The following LNX1 variants were observed in gnomAD, a reference collection of about 807,000 sequenced individuals.
LNX1 encodes ligand of numb-protein X 1, also known as E3 ubiquitin-protein ligase LNX.
In LNX1, 54 loss-of-function variants were observed where a neutral mutation model predicts 68.4. The ratio of observed to expected loss-of-function variants is 0.79; its 90% confidence interval spans 0.63 to 0.99. The LOEUF (loss-of-function observed/expected upper bound fraction) is 0.99, where lower values mean the gene tolerates loss of function less well. Among genes scored for constraint, LNX1 ranks in the 50% least tolerant of loss-of-function variants. The probability of loss-of-function intolerance (pLI) is 0.00; values close to 1 mark genes in which losing one functional copy is unlikely to be tolerated. For missense variants in LNX1, 906 were observed against 926.4 expected (o/e 0.98, Z 0.29); for synonymous variants, 336 against 350.0 (o/e 0.96, Z 0.45).
intron 2 of LNX1, among the ~76,000 whole-genome samples, chr4:53,548,002 C>T (rs1461618744): frequency 6.6e-6 from 1 of 151,898 alleles, no homozygotes; most frequent in African/African-American, 2.4e-5. Context: ...GTTTCATAAA[C>T]CTGGATCCTC....
At chr4:53,587,725 A>T (rs901559445) in intron 1 of LNX1, among the ~76,000 whole-genome samples, 1 of 152,196 alleles carries the variant, frequency 6.6e-6, no homozygotes, top group African/African-American at 2.4e-5. Flanking sequence ...AGGAATTCAA[A>T]TATAGAAAGG....
chr4:53,636,415 G>T (rs964973493), intron 1 of LNX1, among the ~76,000 whole-genome samples: 1 of 152,004 alleles, frequency 6.6e-6, no homozygotes, highest in Non-Finnish European at 1.5e-5. Flanking sequence ...GAGGAACTGT[G>T]AGGCATCTTT....
intron 1 of LNX1, among the ~76,000 whole-genome samples, chr4:53,587,617 G>A (rs1732256120): frequency 6.6e-6 from 1 of 152,136 alleles, no homozygotes; most frequent in East Asian, 1.9e-4. Flanking sequence ...CTTACAGACG[G>A]CATTTCGAGT....
chr4:53,511,108 G>C (rs960417876), intron 2 of LNX1, among the ~76,000 whole-genome samples: 5 of 152,114 alleles, frequency 3.3e-5, no homozygotes, highest in African/African-American at 9.7e-5. Context: ...GCTGGGGAGG[G>C]TGCAGATTCT....
chr4:53,505,900 A>G (rs1485334032), intron 4 of LNX1, among the ~76,000 whole-genome samples: 1 of 152,214 alleles, frequency 6.6e-6, no homozygotes. Flanking sequence ...CGCAGGCTGG[A>G]TAATGGAAGG....
chr4:53,650,254 G>A (rs2109897211), intron 1 of LNX1, among the ~76,000 whole-genome samples: 1 of 152,296 alleles, frequency 6.6e-6, no homozygotes, highest in East Asian at 1.9e-4. Context: ...ATAGGGCTGA[G>A]CAAAGTAGGC....
At chr4:53,622,216 T>A (rs1394384778), upstream of LNX1, among the ~76,000 whole-genome samples, 1 of 152,178 alleles carries the variant, frequency 6.6e-6, no homozygotes, top group Admixed American at 6.6e-5. Context: ...TGTACGTATG[T>A]CATATGCCAG....
chr4:53,474,571 G>A (rs1295034081), intron 9 of LNX1, among the ~76,000 whole-genome samples: 1 of 152,170 alleles, frequency 6.6e-6, no homozygotes, highest in Non-Finnish European at 1.5e-5. Context: ...AAGGGAGGGA[G>A]ACTTACTTTT....
intron 1 of LNX1, among the ~76,000 whole-genome samples, chr4:53,626,504 C>T (rs1015319724): frequency 6.6e-6 from 1 of 152,138 alleles, no homozygotes; most frequent in African/African-American, 2.4e-5. Flanking sequence ...GTTGAGCATG[C>T]ATTGAGCAAG....
At chr4:53,612,298 T>A (rs951121202) in intron 2 of LNX1, among the ~76,000 whole-genome samples, 1 of 152,202 alleles carries the variant, frequency 6.6e-6, no homozygotes, top group Admixed American at 6.5e-5. Flanking sequence ...GAAATACCTC[T>A]TGCAGGAGCA....
chr4:53,545,352 A>T (rs1411024360), intron 2 of LNX1, among the ~76,000 whole-genome samples: 1 of 152,158 alleles, frequency 6.6e-6, no homozygotes. Flanking sequence ...CAGCCCCCCA[A>T]CCTGGCCCTA....
chr4:53,470,449 TC>T (rs1210717686), intron 9 of LNX1, among the ~76,000 whole-genome samples: 1 of 152,180 alleles, frequency 6.6e-6, no homozygotes, highest in Non-Finnish European at 1.5e-5. Flanking sequence ...ATGCCCTCTC[TC>T]ACCACTTCTA....
intron 1 of LNX1, chr4:53,579,306 G>A (rs1220232578): frequency 3.1e-6 from 3 of 977,398 alleles, no homozygotes; most frequent in African/African-American, 1.8e-5. Context: ...TAACCCTGTG[G>A]TGCCTTAGGA....
intron 1 of LNX1, among the ~76,000 whole-genome samples, chr4:53,631,347 T>C (rs1454165106): frequency 6.6e-6 from 1 of 152,140 alleles, no homozygotes; most frequent in African/African-American, 2.4e-5. Context: ...AACTTCCCTG[T>C]GGGCCTTCAG....
intron 2 of LNX1, among the ~76,000 whole-genome samples, chr4:53,550,600 G>C (rs1427341912): frequency 6.6e-6 from 1 of 152,212 alleles, no homozygotes; most frequent in African/African-American, 2.4e-5. Context: ...AAATGAAGTG[G>C]GGAGGAAATG....
intron 9 of LNX1, among the ~76,000 whole-genome samples, chr4:53,465,682 G>C (rs920745701): frequency 1.3e-5 from 2 of 152,172 alleles, no homozygotes; most frequent in Non-Finnish European, 2.9e-5. Flanking sequence ...TAAAAATTCT[G>C]ATACATGTTT....
chr4:53,472,359 G>T (rs1346069236), intron 9 of LNX1, among the ~76,000 whole-genome samples: 1 of 152,060 alleles, frequency 6.6e-6, no homozygotes, highest in Non-Finnish European at 1.5e-5. Context: ...ATGGGGGAGG[G>T]ATAGCATTAG....
At chr4:53,539,960 A>G (rs1728635011) in intron 2 of LNX1, among the ~76,000 whole-genome samples, 1 of 152,276 alleles carries the variant, frequency 6.6e-6, no homozygotes, top group African/African-American at 2.4e-5. Flanking sequence ...CCATGTGGTT[A>G]GAACTGGAAA....
At chr4:53,569,284 A>C (rs1254468550) in intron 2 of LNX1, among the ~76,000 whole-genome samples, 1 of 148,948 alleles carries the variant, frequency 6.7e-6, no homozygotes, top group Non-Finnish European at 1.5e-5. Context: ...TACAGTAACC[A>C]AAACAGCATG....
Sources: gnomAD v4.1 joint callset for allele counts (sites outside exome capture counted in the v4.1 genomes callset) on GRCh38, gnomAD v4.1.1 for gene constraint, MANE v1.5 for transcripts, NCBI Gene and HGNC (gene_info 2026-07-23, HGNC 2026-07-21) for gene names.